The following TMPRSS7 variants were observed in gnomAD, a reference collection of about 807,000 sequenced individuals.
TMPRSS7 encodes the protein transmembrane protease serine 7.
Under a neutral mutation model 95.6 loss-of-function variants are expected in TMPRSS7, and 81 were observed. That is an observed-to-expected ratio of 0.85 (90% confidence interval 0.71 to 1.02). The LOEUF is 1.02. Among genes scored for constraint, TMPRSS7 ranks in the 50% least tolerant of loss-of-function variants. The pLI, the probability that TMPRSS7 is intolerant of heterozygous loss-of-function variation, is 0.00. For synonymous variants in TMPRSS7, 364 were observed against 337.8 expected (o/e 1.08, Z -0.85); for missense variants, 945 against 955.2 (o/e 0.99, Z 0.14).
chr3:112,070,681 G>A (rs917360651), intron 13 of TMPRSS7, among the ~76,000 whole-genome samples: 1 of 152,050 alleles, frequency 6.6e-6, no homozygotes, highest in African/African-American at 2.4e-5. Context: ...CATTTGCTTG[G>A]TAGATCTTCC....
chr3:112,069,068 C>T (rs1391716497), intron 13 of TMPRSS7, among the ~76,000 whole-genome samples: 2 of 152,202 alleles, frequency 1.3e-5, no homozygotes, highest in Non-Finnish European at 1.5e-5. Flanking sequence ...TTTTCTGCAT[C>T]TGTTGAGATA....
At chr3:112,047,702 A>G in intron 6 of TMPRSS7, 37 bp from the exon 7 acceptor site, 1 of 1,481,934 alleles carries the variant, frequency 6.7e-7, no homozygotes, top group Non-Finnish European at 9.2e-7. Flanking sequence ...ATTCCTAAAA[A>G]AAAAGAAAAT....
At chr3:112,076,397 A>G (rs890653807) in intron 15 of TMPRSS7, among the ~76,000 whole-genome samples, 4 of 152,248 alleles carry the variant, frequency 2.6e-5, no homozygotes, top group Admixed American at 1.3e-4. Context: ...TAAGGCTTCC[A>G]GTAGTTTGCC....
intron 7 of TMPRSS7, among the ~76,000 whole-genome samples, chr3:112,049,084 G>A (rs1184556857): frequency 6.6e-6 from 1 of 152,182 alleles, no homozygotes; most frequent in Non-Finnish European, 1.5e-5. Context: ...GGTGGAAAGA[G>A]AAAGCACCCT....
chr3:112,063,538 A>G (rs781483731), exon 12 of TMPRSS7: 1 of 1,613,930 alleles, frequency 6.2e-7, no homozygotes, highest in South Asian at 1.1e-5. Context: ...GCCCTGTTGG[A>G]TCTTTTAGAT....
At chr3:112,040,870 GAAAC>G (rs1324760977) in intron 2 of TMPRSS7, among the ~76,000 whole-genome samples, 1 of 152,148 alleles carries the variant, frequency 6.6e-6, no homozygotes, top group Non-Finnish European at 1.5e-5. Context: ...GGTAGACAGA[GAAAC>G]AGGTAAACAG....
At chr3:112,073,992 G>A (rs1466744073) in intron 13 of TMPRSS7, among the ~76,000 whole-genome samples, 1 of 152,222 alleles carries the variant, frequency 6.6e-6, no homozygotes, top group Non-Finnish European at 1.5e-5. Flanking sequence ...TAGCAAAGAG[G>A]CTGCAGCCTA....
Position 112,052,149 on chromosome 3 carries a change from A to G in TMPRSS7, c.1203+1366A>G, listed in dbSNP as rs183032187. ...AAAATAAAGCAGGGAAGGGGGCTCT[A>G]TAGCCTGAGTTGGGGGTGGGAGGTG... On this transcript the variant is annotated intron_variant, in intron 9 of 17. Transcript: ENST00000452346. Among the ~76,000 whole-genome samples the G allele has an allele frequency of 5.9e-5, 9 of 152,214 alleles. No homozygotes were observed. The East Asian group carries it at 1.5e-3, about 26-fold the overall frequency.
chr3:112,061,105 G>C (rs2073499042), intron 10 of TMPRSS7, among the ~76,000 whole-genome samples: 1 of 152,116 alleles, frequency 6.6e-6, no homozygotes, highest in Non-Finnish European at 1.5e-5. Context: ...ACACAGGGCG[G>C]TGGACTAACT....
At chr3:112,050,564 C>T in intron 8 of TMPRSS7, 107 bp from the exon 9 acceptor site, 1 of 358,906 alleles carries the variant, frequency 2.8e-6, no homozygotes, top group South Asian at 7.1e-5. Context: ...ATGTATAAAG[C>T]TTGTCGATCA....
chr3:112,050,662 CT>C lies in TMPRSS7; in HGVS notation c.1091-5del. 3 of 1,543,118 alleles carry C rather than the reference CT, an allele frequency of 1.9e-6. No individual in the cohort carries two copies. Among genetic ancestry groups the C allele is most frequent in the Non-Finnish European group, 1.8e-6 (2 of 1,137,632 alleles). Reference sequence around the variant, plus strand: ...CAAATCATTGTGTGTCACTGGGTATCTTTTCCAGAGTGTGAAAACACAGTGT... The same window carrying C: ...CAAATCATTGTGTGTCACTGGGTATCTTTCCAGAGTGTGAAAACACAGTGT... On this transcript the variant is annotated splice_region_variant and splice_polypyrimidine_tract_variant and intron_variant, in intron 8 of 17. Transcript: ENST00000452346.
chr3:112,068,374 G>A (rs2107757600), intron 13 of TMPRSS7, among the ~76,000 whole-genome samples: 1 of 152,324 alleles, frequency 6.6e-6, no homozygotes, highest in African/African-American at 2.4e-5. Flanking sequence ...GTCATTGGTA[G>A]CTTGATGGAG....
At chr3:112,055,134 T>C (rs1251756025) in intron 9 of TMPRSS7, among the ~76,000 whole-genome samples, 5 of 152,142 alleles carry the variant, frequency 3.3e-5, no homozygotes, top group Non-Finnish European at 5.9e-5. Flanking sequence ...TCGGTAAACA[T>C]AAGAGAATCC....
At chr3:112,055,724 AGGCAACACTGAAATCAG>A (rs2073425536) in intron 9 of TMPRSS7, among the ~76,000 whole-genome samples, 1 of 152,214 alleles carries the variant, frequency 6.6e-6, no homozygotes, top group Admixed American at 6.5e-5. Context: ...AATCAGTACC[AGGCAACACTGAAATCAG>A]GGCAACGATA....
chr3:112,079,950 G>A (rs2073757899), intron 17 of TMPRSS7, among the ~76,000 whole-genome samples: 1 of 152,070 alleles, frequency 6.6e-6, no homozygotes, highest in Non-Finnish European at 1.5e-5. Flanking sequence ...ACTCTATTTT[G>A]GGTGCTTCCC....
At chr3:112,047,168 C>A (rs1288883135) in intron 6 of TMPRSS7, among the ~76,000 whole-genome samples, 156 bp downstream of exon 6, 2 of 152,194 alleles carry the variant, frequency 1.3e-5, no homozygotes, top group African/African-American at 4.8e-5. Flanking sequence ...ACTTGACTGG[C>A]TCATGTAAGT....
chr3:112,064,188 C>T (rs904527114), intron 12 of TMPRSS7, among the ~76,000 whole-genome samples: 4 of 152,138 alleles, frequency 2.6e-5, no homozygotes, highest in Non-Finnish European at 5.9e-5. Flanking sequence ...ATTTAATTTA[C>T]CACAATCTTA....
At chr3:112,064,178 A>C (rs556861408) in intron 12 of TMPRSS7, among the ~76,000 whole-genome samples, 1 of 152,300 alleles carries the variant, frequency 6.6e-6, no homozygotes, top group African/African-American at 2.4e-5. Flanking sequence ...GTGGCTAATA[A>C]TTTAATTTAC....
chr3:112,076,975 C>T (rs2073718110), exon 16 of TMPRSS7: 1 of 1,614,188 alleles, frequency 6.2e-7, no homozygotes, highest in Non-Finnish European at 8.5e-7. Flanking sequence ...TCCACGAGTA[C>T]TATAACAGTC....
Sources: allele counts gnomAD v4.1 joint callset (sites outside exome capture counted in the v4.1 genomes callset), GRCh38; gene constraint gnomAD v4.1.1; transcripts MANE v1.5; gene names NCBI Gene and HGNC (gene_info 2026-07-23, HGNC 2026-07-21).